The following PTPRM variants were observed in gnomAD, a reference collection of about 807,000 sequenced individuals.
The protein encoded by PTPRM is receptor-type tyrosine-protein phosphatase mu.
In PTPRM, 47 loss-of-function variants were observed where a neutral mutation model predicts 186.7. That is an observed-to-expected ratio of 0.25 (90% CI 0.20 to 0.32). The LOEUF (loss-of-function observed/expected upper bound fraction) is 0.32. Ranked by LOEUF, PTPRM falls within the 10% of genes least tolerant of loss-of-function variation. The probability of loss-of-function intolerance (pLI) is 1.00; values close to 1 mark genes in which losing one functional copy is unlikely to be tolerated. For synonymous variants in PTPRM, 668 were observed against 674.9 expected, an observed-to-expected ratio of 0.99 and a Z score of 0.16; for missense variants, 1,494 against 1,865.0, an observed-to-expected ratio of 0.80 and a Z score of 3.66.
chr18:8,001,334 A>G (rs1349200957), intron 7 of PTPRM, among the ~76,000 whole-genome samples: 1 of 152,208 alleles, frequency 6.6e-6, no homozygotes, highest in Admixed American at 6.5e-5. Context: ...CTTTGCTGAC[A>G]GAATTGCTGA....
At chr18:7,947,072 AG>A (rs2052577689) in intron 5 of PTPRM, 1 of 452,338 alleles carries the variant, frequency 2.2e-6, no homozygotes, top group Non-Finnish European at 4.4e-6. Context: ...TCTGTGCTTC[AG>A]GATTAGCAAG....
intron 2 of PTPRM, among the ~76,000 whole-genome samples, chr18:7,783,245 A>G (rs966323858): frequency 7.9e-5 from 12 of 152,096 alleles, no homozygotes; most frequent in African/African-American, 2.9e-4. Context: ...TTTCCTGAAA[A>G]TATCCACCGA....
chr18:8,381,195 G>A (rs2095732953), intron 29 of PTPRM, among the ~76,000 whole-genome samples: 1 of 151,950 alleles, frequency 6.6e-6, no homozygotes, highest in African/African-American at 2.4e-5. Context: ...TAGCACAGTG[G>A]TCCTTTAGGA....
At chr18:7,592,891 G>C (rs1030996514) in intron 1 of PTPRM, among the ~76,000 whole-genome samples, 1 of 152,116 alleles carries the variant, frequency 6.6e-6, no homozygotes, top group Non-Finnish European at 1.5e-5. Context: ...CTTCCACAGC[G>C]GGCTGAAGGG....
chr18:7,732,135 G>A (rs891618450), intron 1 of PTPRM, among the ~76,000 whole-genome samples: 1 of 152,128 alleles, frequency 6.6e-6, no homozygotes, highest in African/African-American at 2.4e-5. Context: ...TTCCTTTAAA[G>A]GAAAAGGAGT....
At position 7,868,561 on chromosome 18, in the gene PTPRM, C is replaced by T. The variant is rs7239948; in HGVS notation, c.197-19545C>T. Among the ~76,000 whole-genome samples the T allele has an allele frequency of 8.4e-3, 1,283 of 152,302 alleles. 22 individuals are homozygous for T. Among genetic ancestry groups the T allele is most frequent in the African/African-American group, 0.028 (1,183 of 41,570 alleles). ...CAGCAAAGATTGCTGCCTCTTCCTT[C>T]CTCTGGAAGCTTCATCCCAGAGGGG... On this transcript the variant is annotated intron_variant, in intron 2 of 32. Transcript: ENST00000580170.
At chr18:8,122,977 G>A (rs2092227946) in intron 13 of PTPRM, among the ~76,000 whole-genome samples, 1 of 152,160 alleles carries the variant, frequency 6.6e-6, no homozygotes, top group Admixed American at 6.5e-5. Flanking sequence ...AAAATTGAAT[G>A]GCTTAGAGTC....
chr18:7,696,499 T>C (rs2039846940), intron 1 of PTPRM, among the ~76,000 whole-genome samples: 1 of 152,228 alleles, frequency 6.6e-6, no homozygotes, highest in Admixed American at 6.5e-5. Flanking sequence ...TACATAGAAA[T>C]GTGGAAATAC....
intron 1 of PTPRM, among the ~76,000 whole-genome samples, chr18:7,589,562 C>T (rs750989100): frequency 6.6e-6 from 1 of 152,148 alleles, no homozygotes; most frequent in African/African-American, 2.4e-5. Context: ...AACTCCCCCC[C>T]ACCACCCTGG....
At chr18:8,074,971 A>G (rs1302508018) in intron 8 of PTPRM, among the ~76,000 whole-genome samples, 1 of 152,134 alleles carries the variant, frequency 6.6e-6, no homozygotes, top group African/African-American at 2.4e-5. Context: ...TGCCTGATCC[A>G]AGGTCATGAA....
At chr18:8,128,610 G>A (rs1270569190) in intron 13 of PTPRM, among the ~76,000 whole-genome samples, 1 of 152,082 alleles carries the variant, frequency 6.6e-6, no homozygotes, top group Non-Finnish European at 1.5e-5. Context: ...TGCTGTGGCA[G>A]TTTCATCTAT....
intron 2 of PTPRM, among the ~76,000 whole-genome samples, chr18:7,808,352 T>C (rs1264502921): frequency 6.6e-6 from 1 of 152,114 alleles, no homozygotes; most frequent in Non-Finnish European, 1.5e-5. Flanking sequence ...CCTCCATCCA[T>C]GTAGAGGCGA....
At chr18:8,404,352 G>C (rs1172104200) in intron 32 of PTPRM, 2 of 152,170 alleles carry the variant, frequency 1.3e-5, no homozygotes, top group African/African-American at 4.8e-5. Flanking sequence ...GACTGAATGT[G>C]TCATAAAATC....
intron 2 of PTPRM, among the ~76,000 whole-genome samples, chr18:7,801,183 A>T (rs186356648): frequency 0.011 from 1,622 of 152,140 alleles, 7 homozygotes; most frequent in Middle Eastern, 0.02. Context: ...TATAATTTTT[A>T]AAAAAACTTT....
intron 14 of PTPRM, among the ~76,000 whole-genome samples, chr18:8,162,447 C>T (rs1285120553): frequency 6.6e-6 from 1 of 152,162 alleles, no homozygotes; most frequent in Non-Finnish European, 1.5e-5. Context: ...TCTTTCTGGA[C>T]TTTGAAAACA....
chr18:8,120,817 A>C (rs1056916646), intron 13 of PTPRM, among the ~76,000 whole-genome samples: 2 of 152,112 alleles, frequency 1.3e-5, no homozygotes, highest in African/African-American at 2.4e-5. Context: ...CTATAAAACA[A>C]TTTCATTTTT....
Position 7,911,846 on chromosome 18 carries a change from A to ATTTTTTTTTTTTTT in PTPRM, c.547+5274_547+5287dup, listed in dbSNP as rs57590269. Among the ~76,000 whole-genome samples, 48 of 80,672 alleles carry ATTTTTTTTTTTTTT rather than the reference A, an allele frequency of 6.0e-4. 2 individuals are homozygous for ATTTTTTTTTTTTTT. Among genetic ancestry groups the ATTTTTTTTTTTTTT allele is most frequent in the East Asian group, 3.5e-3 (7 of 1,988 alleles). 52.9% of individuals were successfully genotyped at this position (80,672 alleles called of 152,430 possible). A position where few individuals can be genotyped will look rare whatever the true frequency, so the allele number is the denominator to read the frequency against. ...TTTTTTCCAGAGTTTTATGGTTTCA[A>ATTTTTTTTTTTTTT]TTTTTTTTTTTTTTTTTTTTTTTTG... On this transcript the variant is annotated intron_variant, in intron 4 of 32. Coordinates refer to ENST00000580170, the MANE Select transcript of PTPRM (RefSeq NM_001105244.2).
chr18:7,840,243 G>T (rs1012906570), intron 2 of PTPRM, among the ~76,000 whole-genome samples: 14 of 152,244 alleles, frequency 9.2e-5, no homozygotes, highest in Non-Finnish European at 2.1e-4. Flanking sequence ...CTTTTTTAGT[G>T]TAGATAGGTG....
chr18:8,359,784 G>T (rs1048936419), intron 23 of PTPRM, among the ~76,000 whole-genome samples: 3 of 152,250 alleles, frequency 2.0e-5, no homozygotes, highest in Non-Finnish European at 4.4e-5. Flanking sequence ...ATCATTGGAC[G>T]CAATATGGGA....
Sources: gnomAD v4.1 joint callset for allele counts (sites outside exome capture counted in the v4.1 genomes callset) on GRCh38, gnomAD v4.1.1 for gene constraint, MANE v1.5 for transcripts, NCBI Gene and HGNC (gene_info 2026-07-23, HGNC 2026-07-21) for gene names.